Variants in SPECC1L observed in about 807,000 individuals in gnomAD.
SPECC1L encodes the protein cytospin-A.
In SPECC1L, 40 loss-of-function variants were observed where a neutral mutation model predicts 116.8. That is an observed-to-expected ratio of 0.34 (90% confidence interval 0.27 to 0.45). The LOEUF (loss-of-function observed/expected upper bound fraction) is 0.45. SPECC1L is among the 20% of genes least tolerant of loss of function. SPECC1L has a pLI of 1.00. For synonymous variants in SPECC1L, 504 were observed against 500.6 expected (o/e 1.01, Z -0.09); for missense variants, 1,110 against 1,373.6 (o/e 0.81, Z 3.03).
At chr22:24,365,846 CTTTT>C (rs202229268) in intron 13 of SPECC1L, among the ~76,000 whole-genome samples, 1 of 130,126 alleles carries the variant, frequency 7.7e-6, no homozygotes. Context: ...GCAGCTGTAT[CTTTT>C]TTTTTTTTTT....
chr22:24,366,340 C>T (rs1464899592), intron 13 of SPECC1L, among the ~76,000 whole-genome samples: 2 of 152,004 alleles, frequency 1.3e-5, no homozygotes, highest in East Asian at 1.9e-4. Flanking sequence ...ACTACAGGCG[C>T]CTGCCACCTC....
intron 14 of SPECC1L, among the ~76,000 whole-genome samples, chr22:24,383,792 ATTTTTTTTTTTTTTTTT>A (rs538972717): frequency 1.7e-3 from 135 of 77,328 alleles, no homozygotes; most frequent in East Asian, 3.9e-3. Context: ...ACCCACCACT[ATTTTTTTTTTTTTTTTT>A]TTTTTTTTTT....
At chr22:24,390,947 C>T (rs1180149865) in intron 14 of SPECC1L, among the ~76,000 whole-genome samples, 1 of 135,146 alleles carries the variant, frequency 7.4e-6, no homozygotes, top group East Asian at 2.3e-4. Context: ...GCGATCTCGG[C>T]TCACTGCAAC....
chr22:24,298,647 A>G (rs1476406860), intron 2 of SPECC1L, among the ~76,000 whole-genome samples: 1 of 152,198 alleles, frequency 6.6e-6, no homozygotes, highest in Admixed American at 6.5e-5. Flanking sequence ...AGACCCAAGG[A>G]AAACCAATGT....
chr22:24,282,380 A>G (rs1415866448), intron 2 of SPECC1L, among the ~76,000 whole-genome samples: 1 of 152,238 alleles, frequency 6.6e-6, no homozygotes, highest in South Asian at 2.1e-4. Context: ...ACTATAAACT[A>G]TAAGTTTCTC....
At chr22:24,282,778 ATT>A (rs373825517) in intron 2 of SPECC1L, among the ~76,000 whole-genome samples, 8 of 140,790 alleles carry the variant, frequency 5.7e-5, no homozygotes, top group Admixed American at 1.4e-4. Flanking sequence ...TGAGTTTTGA[ATT>A]TTTTTTTTTT....
At chr22:24,352,771 C>T (rs1394330945) in intron 11 of SPECC1L, among the ~76,000 whole-genome samples, 2 of 152,178 alleles carry the variant, frequency 1.3e-5, no homozygotes, top group Non-Finnish European at 2.9e-5. Context: ...ACTCCCCCTT[C>T]TTCTTCCTCT....
At chr22:24,306,720 A>G (rs2049505542) in intron 3 of SPECC1L, among the ~76,000 whole-genome samples, 1 of 152,122 alleles carries the variant, frequency 6.6e-6, no homozygotes, top group East Asian at 1.9e-4. Flanking sequence ...ATACATTCAC[A>G]TTGTTGTGCA....
intron 10 of SPECC1L, among the ~76,000 whole-genome samples, chr22:24,340,147 T>C (rs2041144772): frequency 7.2e-6 from 1 of 138,460 alleles, no homozygotes. Context: ...GACCTTTTTT[T>C]TTTTTTTTTT....
intron 1 of SPECC1L, among the ~76,000 whole-genome samples, chr22:24,274,836 C>T (rs547565606): frequency 2.6e-5 from 4 of 152,312 alleles, no homozygotes; most frequent in African/African-American, 9.6e-5. Context: ...GACCCCTGTT[C>T]TCCTTCCCCT....
At chr22:24,324,166 G>GT in intron 5 of SPECC1L, 54 bp from the exon 6 acceptor site, 1 of 1,469,906 alleles carries the variant, frequency 6.8e-7, no homozygotes, top group Non-Finnish European at 9.5e-7. Context: ...ATTCTGGAAC[G>GT]TACCTTAGAA....
At chr22:24,365,654 T>C (rs1325000149) in intron 13 of SPECC1L, 22 bp downstream of exon 13, 1 of 1,613,604 alleles carries the variant, frequency 6.2e-7, no homozygotes, top group Admixed American at 1.7e-5. Flanking sequence ...TTAATATTCA[T>C]GCATTTCGTG....
chr22:24,390,031 A>G (rs2042234530), intron 14 of SPECC1L, among the ~76,000 whole-genome samples: 2 of 152,080 alleles, frequency 1.3e-5, no homozygotes, highest in Non-Finnish European at 1.5e-5. Context: ...ACTGGAAAAG[A>G]CAAGGGAATA....
Position 24,415,237 on chromosome 22 carries a change from G to A in SPECC1L, c.*614G>A, listed in dbSNP as rs1367469356. 1 of 158,440 alleles carries A rather than the reference G, an allele frequency of 6.3e-6. No homozygotes were observed. Among genetic ancestry groups the A allele is most frequent in the Admixed American group, 5.9e-5 (1 of 16,908 alleles). The allele number at this position is 158,440 out of a possible 1,614,324, so 9.8% of individuals were successfully genotyped here. On this transcript the variant is annotated 3_prime_UTR_variant, in exon 17 of 17. Transcript: ENST00000314328. ...TCAGCCTGAGCTAGGAGAGTATCTA[G>A]AGGGCGTGGTGCGGGCACGCCAGGG...
At chr22:24,310,589 T>G (rs1268751510) in intron 3 of SPECC1L, among the ~76,000 whole-genome samples, 1 of 152,082 alleles carries the variant, frequency 6.6e-6, no homozygotes, top group Non-Finnish European at 1.5e-5. Flanking sequence ...GTTAGGTTGA[T>G]CATCATTTTC....
intron 14 of SPECC1L, 85 bp downstream of exon 14, chr22:24,369,405 GA>G: frequency 1.0e-5 from 10 of 964,062 alleles, no homozygotes; most frequent in Non-Finnish European, 1.5e-5. Context: ...TCACACATTA[GA>G]AATGATAAGT....
At chr22:24,293,575 G>A (rs983238293) in intron 2 of SPECC1L, among the ~76,000 whole-genome samples, 4 of 152,208 alleles carry the variant, frequency 2.6e-5, no homozygotes, top group Non-Finnish European at 4.4e-5. Context: ...TCCTAGAAAA[G>A]CAGATTTTTT....
At chr22:24,362,538 G>A (rs2041666544) in intron 11 of SPECC1L, among the ~76,000 whole-genome samples, 1 of 152,160 alleles carries the variant, frequency 6.6e-6, no homozygotes, top group Non-Finnish European at 1.5e-5. Context: ...AAGTCCACAT[G>A]CCAGGTAATG....
At position 24,297,781 on chromosome 22, in the gene SPECC1L, G is replaced by A. The variant is rs1235181482; in HGVS notation, c.-37-4414G>A. On this transcript the variant is annotated intron_variant, in intron 2 of 16. Coordinates refer to ENST00000314328, the MANE Select transcript of SPECC1L (RefSeq NM_015330.6). The stretch of plus-strand genomic sequence containing the variant: ...GGTCTCATTGTCACACCTGGAAGAT[G>A]AGTCCTCACTTTGTCCGATGTATCC... Among the ~76,000 whole-genome samples, 8 of 152,328 alleles carry A rather than the reference G, an allele frequency of 5.3e-5. No homozygotes were observed. The South Asian group carries it at 1.7e-3, about 32-fold the overall frequency.
Sources: allele counts gnomAD v4.1 joint callset (sites outside exome capture counted in the v4.1 genomes callset), GRCh38; gene constraint gnomAD v4.1.1; transcripts MANE v1.5; gene names NCBI Gene and HGNC (gene_info 2026-07-23, HGNC 2026-07-21).